The following PPP2R3A variants were observed in gnomAD, a reference collection of about 807,000 sequenced individuals.
PPP2R3A encodes serine/threonine-protein phosphatase 2A regulatory subunit B'' subunit alpha.
In PPP2R3A, 80 loss-of-function variants were observed where a neutral mutation model predicts 106.9. The ratio of observed to expected loss-of-function variants is 0.75; its 90% CI spans 0.62 to 0.90. The LOEUF is 0.90. Ranked by LOEUF, PPP2R3A falls within the 40% of genes least tolerant of loss-of-function variation. The pLI is 0.00. For synonymous variants in PPP2R3A, 483 were observed against 468.3 expected (o/e 1.03, Z -0.41); for missense variants, 1,386 against 1,350.4 (o/e 1.03, Z -0.41).
At chr3:136,036,918 G>A (rs1935105095) in intron 3 of PPP2R3A, among the ~76,000 whole-genome samples, 1 of 152,188 alleles carries the variant, frequency 6.6e-6, no homozygotes, top group Admixed American at 6.5e-5. Context: ...TACTATGCAT[G>A]CAAGTCTTTT....
intron 2 of PPP2R3A, among the ~76,000 whole-genome samples, chr3:136,018,342 A>C (rs1415593711): frequency 6.6e-6 from 1 of 152,200 alleles, no homozygotes; most frequent in Non-Finnish European, 1.5e-5. Flanking sequence ...GTTATACACA[A>C]ATCAAAATAA....
At chr3:135,982,152 A>C (rs1439241071) in intron 1 of PPP2R3A, among the ~76,000 whole-genome samples, 2 of 151,798 alleles carry the variant, frequency 1.3e-5, no homozygotes, top group Admixed American at 1.3e-4. Context: ...TTACTGAATG[A>C]GTTTATATCC....
Position 136,145,192 on chromosome 3 carries a change from G to C in PPP2R3A, c.*26G>C, listed in dbSNP as rs1290316614. The C allele has an allele frequency of 6.3e-7, 1 of 1,588,556 alleles. No individual in the cohort carries two copies. The highest frequency in any genetic ancestry group is 8.5e-7 in the Non-Finnish European group (1 of 1,171,326). ...CTGCCGGTGTCTACAATGAAACGAA[G>C]ATGTGTATTTTAAATGTTTCTTTCT... On this transcript the variant is annotated 3_prime_UTR_variant, in exon 14 of 14. Transcript: ENST00000264977.
At chr3:136,087,981 A>G (rs1039995947) in intron 9 of PPP2R3A, 50 bp downstream of exon 9, 12 of 1,466,926 alleles carry the variant, frequency 8.2e-6, no homozygotes, top group African/African-American at 2.8e-5. Flanking sequence ...AAGTAATACC[A>G]TAACCATCTC....
Position 136,001,903 on chromosome 3 carries a change from T to C in PPP2R3A, c.405T>C (p.Ser135=). The C allele has an allele frequency of 1.9e-6, 3 of 1,614,186 alleles. No homozygotes were observed. The highest frequency in any genetic ancestry group is 2.5e-6 in the Non-Finnish European group (3 of 1,180,034). Residue 135 remains serine, a synonymous_variant, in exon 2 of 14, where the codon TCT becomes TCC. Coordinates refer to ENST00000264977, the MANE Select transcript of PPP2R3A (RefSeq NM_002718.5). ...KEFSFEKLKN[S]NHAAYRKGRK... is the part of the protein sequence containing the mutation. ...TTTCCTTTGAAAAACTCAAAAACTC[T>C]AACCATGCAGCTTACAGAAAGGGAA...
chr3:136,101,860 G>A lies in PPP2R3A; in HGVS notation c.2928-147G>A, dbSNP rs115351079. ...GAAAAATAAAGGGAAGAAGGGGTCC[G>A]CCATTTTCTCTAACAAACTTTGTAA... On this transcript the variant is annotated intron_variant, in intron 10 of 13. Transcript: ENST00000264977. 2,383 of 896,956 alleles carry A rather than the reference G, an allele frequency of 2.7e-3. 43 individuals carry two copies. In the African/African-American group the frequency reaches 0.037, roughly 14 times the overall value. The allele number at this position is 896,956 out of a possible 1,614,324, so 55.6% of individuals were successfully genotyped here.
chr3:136,125,301 CAA>C (rs1310865283), intron 13 of PPP2R3A, among the ~76,000 whole-genome samples: 1 of 152,076 alleles, frequency 6.6e-6, no homozygotes, highest in East Asian at 1.9e-4. Flanking sequence ...GCCTGGGCAA[CAA>C]GAGTGAAACT....
chr3:136,075,557 G>C (rs757951328), intron 6 of PPP2R3A, among the ~76,000 whole-genome samples: 3 of 152,166 alleles, frequency 2.0e-5, no homozygotes, highest in Non-Finnish European at 4.4e-5. Context: ...AGATAAGTAG[G>C]TTAGCACAGG....
At chr3:136,122,955 T>A (rs1409891157) in intron 13 of PPP2R3A, among the ~76,000 whole-genome samples, 1 of 152,196 alleles carries the variant, frequency 6.6e-6, no homozygotes, top group South Asian at 2.1e-4. Context: ...ATTTAATATA[T>A]TTTGTAGTTT....
intron 2 of PPP2R3A, chr3:136,023,305 A>T: frequency 1.1e-6 from 1 of 941,140 alleles, no homozygotes. Flanking sequence ...GTAATTTTAC[A>T]GCTCCCTTGT....
In PPP2R3A at chr3:136,014,799, A is replaced by G. The variant is rs111478639; in HGVS notation, c.1995+11306A>G. Among the ~76,000 whole-genome samples the G allele has an allele frequency of 9.2e-5, 14 of 152,204 alleles. 1 individual carries two copies. Among genetic ancestry groups the G allele is most frequent in the African/African-American group, 2.9e-4 (12 of 41,536 alleles). On this transcript the variant is annotated intron_variant, in intron 2 of 13. Transcript: ENST00000264977. Reference sequence around the variant, plus strand: ...CGACAGTTTGACTTCTTCTTTACCTATTTGGATGCCCTTTATTTCTTTCTC... The same window carrying G: ...CGACAGTTTGACTTCTTCTTTACCTGTTTGGATGCCCTTTATTTCTTTCTC...
At chr3:136,031,941 A>T (rs930900457) in intron 3 of PPP2R3A, among the ~76,000 whole-genome samples, 4 of 151,920 alleles carry the variant, frequency 2.6e-5, no homozygotes, top group African/African-American at 9.7e-5. Flanking sequence ...GTAATGTGAC[A>T]CCTCTAGATT....
intron 8 of PPP2R3A, among the ~76,000 whole-genome samples, chr3:136,084,504 A>G (rs565538602): frequency 1.3e-5 from 2 of 152,376 alleles, no homozygotes; most frequent in South Asian, 4.1e-4. Flanking sequence ...TGGAAGGGAA[A>G]TGTGGGGTTG....
At chr3:136,028,553 C>G (rs1576445599) in intron 3 of PPP2R3A, among the ~76,000 whole-genome samples, 1 of 152,198 alleles carries the variant, frequency 6.6e-6, no homozygotes, top group African/African-American at 2.4e-5. Flanking sequence ...AGTGCTGTTT[C>G]TACATATGTC....
At chr3:136,060,923 A>G (rs191678944) in intron 5 of PPP2R3A, among the ~76,000 whole-genome samples, 1 of 152,348 alleles carries the variant, frequency 6.6e-6, no homozygotes, top group East Asian at 1.9e-4. Context: ...GGTAATACAT[A>G]TGTTAATAAC....
chr3:136,040,857 A>G lies in PPP2R3A; in HGVS notation c.2263-2A>G. On this transcript the variant is annotated splice_acceptor_variant, in intron 3 of 13. Coordinates refer to ENST00000264977, the MANE Select transcript of PPP2R3A (RefSeq NM_002718.5). LOFTEE classifies it high-confidence loss of function. ...TACCCTGTATGTGTTTTCTATTTGC[A>G]GGTCTGTGGCTGTCCTCTCTATTGG... 6.2e-7 allele frequency: 1 copy of G among 1,609,646 alleles called. No individual in the cohort carries two copies. Among genetic ancestry groups the G allele is most frequent in the Non-Finnish European group, 8.5e-7 (1 of 1,178,162 alleles).
rs1937235489 is a variant in PPP2R3A, at chr3:135,971,115, T to A, written c.-441+5266T>A. 2.0e-5 allele frequency among the ~76,000 whole-genome samples: 3 copies of A among 152,144 alleles called. No homozygotes were observed. In the South Asian group the frequency reaches 6.2e-4, roughly 32 times the overall value. ...CTAACTGTGAGATTCCCAGGAATAG[T>A]TTTTGCAGCTGTATTTTTTCCAATT... On this transcript the variant is annotated intron_variant, in intron 1 of 13. Transcript: ENST00000264977.
chr3:135,989,257 G>C (rs1933058459), intron 1 of PPP2R3A, among the ~76,000 whole-genome samples: 1 of 152,112 alleles, frequency 6.6e-6, no homozygotes, highest in African/African-American at 2.4e-5. Flanking sequence ...GACACATGAA[G>C]TCTTAAAGCC....
chr3:136,113,014 T>C (rs1246349432), intron 13 of PPP2R3A, among the ~76,000 whole-genome samples: 1 of 151,920 alleles, frequency 6.6e-6, no homozygotes, highest in Non-Finnish European at 1.5e-5. Flanking sequence ...ACACCTGTAA[T>C]GCCAGCTACT....
Sources: allele counts gnomAD v4.1 joint callset (sites outside exome capture counted in the v4.1 genomes callset), GRCh38; gene constraint gnomAD v4.1.1; transcripts MANE v1.5; gene names NCBI Gene and HGNC (gene_info 2026-07-23, HGNC 2026-07-21).